The following SPATS2L variants were observed in gnomAD, a reference collection of about 807,000 sequenced individuals.
The protein encoded by SPATS2L is SPATS2-like protein.
Under a neutral mutation model 59.6 loss-of-function variants are expected in SPATS2L, and 30 were observed. The ratio of observed to expected loss-of-function variants is 0.50; its 90% CI spans 0.38 to 0.68. The LOEUF (loss-of-function observed/expected upper bound fraction) is 0.68, where lower values mean the gene tolerates loss of function less well. Among genes scored for constraint, SPATS2L ranks in the 30% least tolerant of loss-of-function variants. SPATS2L has a pLI of 0.00. For synonymous variants in SPATS2L, 252 were observed against 263.5 expected (o/e 0.96, Z 0.42); for missense variants, 615 against 700.0 (o/e 0.88, Z 1.37).
chr2:200,469,381 A>T (rs1180399890), intron 10 of SPATS2L, among the ~76,000 whole-genome samples: 2 of 152,192 alleles, frequency 1.3e-5, no homozygotes, highest in African/African-American at 4.8e-5. Context: ...CTACACACAG[A>T]TCTTAATTTT....
chr2:200,398,877 A>G (rs2082433266), intron 3 of SPATS2L, among the ~76,000 whole-genome samples: 1 of 152,178 alleles, frequency 6.6e-6, no homozygotes, highest in Admixed American at 6.5e-5. Context: ...TCAGTTTCTT[A>G]TAAAATAACG....
At chr2:200,325,956 T>C (rs903383015) in intron 1 of SPATS2L, among the ~76,000 whole-genome samples, 1 of 152,234 alleles carries the variant, frequency 6.6e-6, no homozygotes, top group Non-Finnish European at 1.5e-5. Flanking sequence ...TACTCTGTGC[T>C]AAGCACTTAA....
At chr2:200,453,936 C>T (rs2085649480) in intron 8 of SPATS2L, among the ~76,000 whole-genome samples, 1 of 152,120 alleles carries the variant, frequency 6.6e-6, no homozygotes, top group Admixed American at 6.5e-5. Context: ...TCCTTTCTCT[C>T]CAGCAGTTCC....
chr2:200,334,930 T>A (rs2105805242), intron 2 of SPATS2L, among the ~76,000 whole-genome samples: 1 of 152,332 alleles, frequency 6.6e-6, no homozygotes, highest in Admixed American at 6.5e-5. Context: ...GTAGTATAGT[T>A]TGAAGTTAGA....
chr2:200,418,493 A>T (rs917626444), intron 5 of SPATS2L, among the ~76,000 whole-genome samples: 4 of 151,994 alleles, frequency 2.6e-5, no homozygotes, highest in African/African-American at 9.7e-5. Context: ...AGGATCGCTT[A>T]TGCCCAGGGG....
chr2:200,360,818 C>T (rs1406036553), intron 2 of SPATS2L, among the ~76,000 whole-genome samples: 1 of 151,998 alleles, frequency 6.6e-6, no homozygotes, highest in African/African-American at 2.4e-5. Context: ...GGCACATGAC[C>T]CATTGAGGGG....
intron 7 of SPATS2L, 51 bp downstream of exon 7, chr2:200,439,379 A>C: frequency 6.7e-7 from 1 of 1,481,494 alleles, no homozygotes; most frequent in Non-Finnish European, 9.4e-7. Context: ...GCACATACAG[A>C]AAAGTGCCAG....
At chr2:200,337,090 T>A (rs1291646576) in intron 2 of SPATS2L, among the ~76,000 whole-genome samples, 1 of 152,238 alleles carries the variant, frequency 6.6e-6, no homozygotes, top group African/African-American at 2.4e-5. Flanking sequence ...TCTCAATACA[T>A]TATCAACCCA....
At chr2:200,453,423 T>C (rs1414300523) in intron 8 of SPATS2L, among the ~76,000 whole-genome samples, 1 of 152,178 alleles carries the variant, frequency 6.6e-6, no homozygotes, top group Non-Finnish European at 1.5e-5. Context: ...AATTGAGAAA[T>C]TGGTGAGCTG....
In SPATS2L at chr2:200,478,531, C is replaced by T. The variant is rs1265315351; in HGVS notation, c.*500C>T. 1 of 152,602 alleles carries T rather than the reference C, an allele frequency of 6.6e-6. No homozygotes were observed. Among genetic ancestry groups the T allele is most frequent in the Non-Finnish European group, 1.5e-5 (1 of 68,090 alleles). 9.5% of individuals were successfully genotyped at this position (152,602 alleles called of 1,614,324 possible). ...ACAAATTAAAATATGCTGCATTTGA[C>T]ACCTGGCTAGTTTCTTTTATTGATA... is the stretch of plus-strand genomic sequence containing the variant. On this transcript the variant is annotated 3_prime_UTR_variant, in exon 13 of 13. Coordinates refer to ENST00000409140, the MANE Select transcript of SPATS2L (RefSeq NM_001100423.2).
At chr2:200,443,139 T>G (rs990772323) in intron 8 of SPATS2L, among the ~76,000 whole-genome samples, 3 of 152,182 alleles carry the variant, frequency 2.0e-5, no homozygotes, top group African/African-American at 7.2e-5. Context: ...TATGCATGCC[T>G]GCCAAACAGA....
intron 6 of SPATS2L, among the ~76,000 whole-genome samples, chr2:200,432,257 T>C (rs1359046489): frequency 6.6e-6 from 1 of 152,118 alleles, no homozygotes; most frequent in Non-Finnish European, 1.5e-5. Context: ...GGAGGAGCTT[T>C]GGTGGGGAGG....
At chr2:200,376,644 C>A (rs1053033791) in intron 2 of SPATS2L, among the ~76,000 whole-genome samples, 1 of 152,208 alleles carries the variant, frequency 6.6e-6, no homozygotes, top group Non-Finnish European at 1.5e-5. Flanking sequence ...GGCAGGAAAT[C>A]GTGACCTGAC....
intron 8 of SPATS2L, among the ~76,000 whole-genome samples, chr2:200,458,614 A>C (rs2106183501): frequency 6.6e-6 from 1 of 152,318 alleles, no homozygotes; most frequent in East Asian, 1.9e-4. Flanking sequence ...TCAACAAATA[A>C]ATTGCAAAGG....
intron 2 of SPATS2L, among the ~76,000 whole-genome samples, chr2:200,373,477 A>G (rs1389523045): frequency 1.3e-5 from 2 of 152,220 alleles, no homozygotes; most frequent in African/African-American, 4.8e-5. Context: ...ACAAATGTAG[A>G]TTAAGTTTTG....
intron 1 of SPATS2L, among the ~76,000 whole-genome samples, chr2:200,309,516 G>GT: frequency 6.6e-6 from 1 of 152,246 alleles, no homozygotes; most frequent in East Asian, 1.9e-4. Flanking sequence ...TAAATCATAT[G>GT]TTTTTTATAA....
At chr2:200,390,262 C>G (rs1349572778) in intron 3 of SPATS2L, 1 of 152,194 alleles carries the variant, frequency 6.6e-6, no homozygotes, top group Admixed American at 6.5e-5. Flanking sequence ...GTAATAGACC[C>G]AAACACCACT....
At chr2:200,369,569 A>G (rs2081364813) in intron 2 of SPATS2L, among the ~76,000 whole-genome samples, 1 of 152,188 alleles carries the variant, frequency 6.6e-6, no homozygotes, top group Non-Finnish European at 1.5e-5. Context: ...CCTGGAATCC[A>G]GGGTGAGCTG....
chr2:200,346,143 T>C (rs918152393), intron 2 of SPATS2L, among the ~76,000 whole-genome samples: 1 of 152,228 alleles, frequency 6.6e-6, no homozygotes, highest in Non-Finnish European at 1.5e-5. Context: ...TTTAAAAATA[T>C]AATTTCAGAA....
Sources: gnomAD v4.1 joint callset for allele counts (sites outside exome capture counted in the v4.1 genomes callset) on GRCh38, gnomAD v4.1.1 for gene constraint, MANE v1.5 for transcripts, NCBI Gene and HGNC (gene_info 2026-07-23, HGNC 2026-07-21) for gene names.